Variants in SIN3A observed in about 807,000 individuals in gnomAD.
The protein encoded by SIN3A is SIN3 transcription regulator family member A, also known as paired amphipathic helix protein Sin3a.
SIN3A carries 14 observed loss-of-function variants against 146.1 expected under a neutral mutation model. That is an observed-to-expected ratio of 0.10 (90% CI 0.06 to 0.15). The LOEUF (loss-of-function observed/expected upper bound fraction) is 0.15. Ranked by LOEUF, SIN3A falls within the 10% of genes least tolerant of loss-of-function variation. The pLI is 1.00. For missense variants in SIN3A, 1,028 were observed against 1,576.0 expected (o/e 0.65, Z 5.89); for synonymous variants, 572 against 572.0 (o/e 1.00, Z 0.00).
At chr15:75,406,979 A>T in intron 9 of SIN3A, 76 bp downstream of exon 9, 1 of 1,082,652 alleles carries the variant, frequency 9.2e-7, no homozygotes, top group Non-Finnish European at 1.4e-6. Context: ...CTTTAAAACG[A>T]AACCTTCCAG....
intron 12 of SIN3A, among the ~76,000 whole-genome samples, chr15:75,399,070 C>T (rs1388439945): frequency 1.3e-5 from 2 of 151,052 alleles, no homozygotes; most frequent in African/African-American, 4.9e-5. Flanking sequence ...GGCATGGTAG[C>T]ACATGCCTGT....
Position 75,401,858 on chromosome 15 carries a change from A to G in SIN3A, c.1520T>C (p.Phe507Ser), listed in dbSNP as rs141285094. 2.5e-6 allele frequency: 4 copies of G among 1,594,444 alleles called. No homozygotes were observed. In the African/African-American group the frequency reaches 4.0e-5, roughly 16 times the overall value. The stretch of plus-strand genomic sequence containing the variant: ...AGCCCCTCACTTCACTTACCCCAGG[A>G]AAGGAGAGACTAGTTGCACAAGCTC... ...RAELVQLVSP[F>S]LGKFPELFNW... The change falls in exon 10 of 21, where the codon TTC becomes TCC. Residue 507 changes from phenylalanine (F) to serine (S), a missense_variant. Phe to Ser is a radical substitution (Grantham distance 155). Around this residue, in one of 9 missense-constraint regions of SIN3A, gnomAD observed 157 missense variants for 284.8 expected, o/e 0.55. Coordinates refer to ENST00000394947, the MANE Select transcript of SIN3A (RefSeq NM_001145358.2).
chr15:75,404,622 T>C (rs1326992649), intron 9 of SIN3A, among the ~76,000 whole-genome samples: 1 of 151,680 alleles, frequency 6.6e-6, no homozygotes, highest in Non-Finnish European at 1.5e-5. Context: ...TAGCTGGGTG[T>C]GGTGGTGGGC....
At chr15:75,442,201 T>G (rs1259064775) in intron 1 of SIN3A, among the ~76,000 whole-genome samples, 3 of 150,656 alleles carry the variant, frequency 2.0e-5, no homozygotes, top group African/African-American at 7.3e-5. Flanking sequence ...TAACCATCTT[T>G]ATACATATAC....
chr15:75,391,371 G>T (rs777426475), intron 15 of SIN3A, among the ~76,000 whole-genome samples: 1 of 152,084 alleles, frequency 6.6e-6, no homozygotes, highest in South Asian at 2.1e-4. Flanking sequence ...ACCACAATGA[G>T]ATCTAAAATT....
chr15:75,449,521 T>C (rs1331358364), intron 1 of SIN3A, among the ~76,000 whole-genome samples: 8 of 152,190 alleles, frequency 5.3e-5, no homozygotes, highest in Non-Finnish European at 1.0e-4. Flanking sequence ...TCATCTAATG[T>C]GGTTCTGCTA....
chr15:75,417,872 T>C (rs542409536), intron 3 of SIN3A, among the ~76,000 whole-genome samples: 1 of 152,246 alleles, frequency 6.6e-6, no homozygotes, highest in African/African-American at 2.4e-5. Context: ...AGGGACCTTA[T>C]AAAAGGGCTG....
intron 1 of SIN3A, chr15:75,447,650 T>C (rs954525375): frequency 5.9e-5 from 9 of 152,100 alleles, no homozygotes; most frequent in Admixed American, 1.3e-4. Flanking sequence ...GAACTAGACT[T>C]ACCAAAAAAC....
At chr15:75,401,574 G>C (rs2073413215) in intron 10 of SIN3A, among the ~76,000 whole-genome samples, 1 of 151,984 alleles carries the variant, frequency 6.6e-6, no homozygotes, top group Non-Finnish European at 1.5e-5. Context: ...AAAAATTCCA[G>C]AACTCTGGGA....
At chr15:75,398,446 C>T (rs994784203) in intron 12 of SIN3A, among the ~76,000 whole-genome samples, 10 of 150,422 alleles carry the variant, frequency 6.6e-5, no homozygotes, top group Non-Finnish European at 1.0e-4. Flanking sequence ...AAGGCCAAGA[C>T]GGGTGGGTCA....
upstream of SIN3A, among the ~76,000 whole-genome samples, chr15:75,451,980 C>A (rs2074419262): frequency 6.6e-6 from 1 of 152,172 alleles, no homozygotes; most frequent in Admixed American, 6.5e-5. Flanking sequence ...GGAAGCTCTT[C>A]CTGTCTCATT....
intron 8 of SIN3A, among the ~76,000 whole-genome samples, chr15:75,407,892 C>CAAAAAAA (rs775913884): frequency 2.0e-4 from 5 of 24,654 alleles, no homozygotes; most frequent in Admixed American, 1.5e-3. Context: ...GACTCCATCT[C>CAAAAAAA]AAAAAAAAAA....
Position 75,439,353 on chromosome 15 carries a change from T to G in SIN3A, c.-33-8945A>C, listed in dbSNP as rs530384806. ...CCCAACTGTCACATATCTTTTTTTT[T>G]TTTTTGAGACAGAGTCTTGCTCTGT... On this transcript the variant is annotated intron_variant, in intron 1 of 20. Coordinates refer to ENST00000394947, the MANE Select transcript of SIN3A (RefSeq NM_001145358.2). Among the ~76,000 whole-genome samples, 89 of 152,170 alleles carry G rather than the reference T, an allele frequency of 5.8e-4. 1 individual carries two copies. Among genetic ancestry groups the G allele is most frequent in the African/African-American group, 2.0e-3 (83 of 41,530 alleles).
intron 3 of SIN3A, among the ~76,000 whole-genome samples, chr15:75,414,880 C>G (rs1380622594): frequency 6.6e-6 from 1 of 152,076 alleles, no homozygotes; most frequent in Non-Finnish European, 1.5e-5. Context: ...AGCGGCAGCA[C>G]GGGTAAAATC....
intron 13 of SIN3A, among the ~76,000 whole-genome samples, chr15:75,395,126 G>A (rs2073278405): frequency 6.6e-6 from 1 of 152,102 alleles, no homozygotes; most frequent in Admixed American, 6.6e-5. Flanking sequence ...CAGCATTCCA[G>A]GGAATATCTT....
chr15:75,397,328 G>A (rs2073323730), intron 12 of SIN3A, among the ~76,000 whole-genome samples: 1 of 152,132 alleles, frequency 6.6e-6, no homozygotes, highest in African/African-American at 2.4e-5. Flanking sequence ...AACAAAAAAT[G>A]GACTAAACTT....
At chr15:75,405,977 C>G (rs951691995) in intron 9 of SIN3A, among the ~76,000 whole-genome samples, 3 of 152,140 alleles carry the variant, frequency 2.0e-5, no homozygotes, top group Non-Finnish European at 4.4e-5. Context: ...AAGGACTCAA[C>G]ACTCTTGCAG....
At position 75,392,298 on chromosome 15, in the gene SIN3A, C is replaced by T; in HGVS notation, c.2795G>A (p.Gly932Asp). The T allele has an allele frequency of 6.2e-7, 1 of 1,614,142 alleles. No homozygotes were observed. Among genetic ancestry groups the T allele is most frequent in the African/African-American group, 1.3e-5 (1 of 75,048 alleles). Residue 932 changes from glycine (G) to aspartate (D), a missense_variant, in exon 15 of 21, where the codon GGC (glycine) becomes GAC (aspartate). By Grantham distance (94) the Gly-to-Asp change is moderately conservative (BLOSUM62 -1). Transcript: ENST00000394947. ...REREWEREVL[G>D]IKRDKSDSPA... ...GCTGTCACTCTTGTCTCGCTTTATG[C>T]CCAGCACTTCCCGTTCCCATTCTCT...
chr15:75,426,355 T>TTTCCTAC, intron 2 of SIN3A, among the ~76,000 whole-genome samples: 1 of 152,346 alleles, frequency 6.6e-6, no homozygotes, highest in Middle Eastern at 3.4e-3. Context: ...TTCAGCTGCA[T>TTTCCTAC]TTCCTCTTCT....
Sources: gnomAD v4.1 joint callset for allele counts (sites outside exome capture counted in the v4.1 genomes callset) on GRCh38, gnomAD v4.1.1 for gene constraint, gnomAD v4.1.1 regional missense constraint, MANE v1.5 for transcripts, NCBI Gene and HGNC (gene_info 2026-07-23, HGNC 2026-07-21) for gene names.